Variants in CHN2 observed in about 807,000 individuals in gnomAD.
CHN2 encodes the protein beta-chimaerin.
CHN2 carries 35 observed loss-of-function variants against 56.3 expected under a neutral mutation model. The ratio of observed to expected loss-of-function variants is 0.62; its 90% CI spans 0.47 to 0.82. The LOEUF (loss-of-function observed/expected upper bound fraction) is 0.82, where lower values mean the gene tolerates loss of function less well. CHN2 is among the 40% of genes least tolerant of loss of function. CHN2 has a pLI of 0.00. For missense variants in CHN2, 491 were observed against 580.5 expected (o/e 0.85, Z 1.58); for synonymous variants, 210 against 212.8 (o/e 0.99, Z 0.12).
At chr7:29,360,515 C>T (rs994662080) in intron 2 of CHN2, among the ~76,000 whole-genome samples, 17 of 152,162 alleles carry the variant, frequency 1.1e-4, no homozygotes, top group African/African-American at 2.9e-4. Context: ...TGCAAAACCC[C>T]GTCTCAAAAA....
chr7:29,493,748 T>C (rs1263086381), intron 7 of CHN2, among the ~76,000 whole-genome samples: 1 of 152,158 alleles, frequency 6.6e-6, no homozygotes, highest in Non-Finnish European at 1.5e-5. Context: ...ACTTTCCATC[T>C]CCACTGCCAG....
chr7:29,396,832 G>A (rs1801794529), intron 4 of CHN2: 1 of 152,418 alleles, frequency 6.6e-6, no homozygotes, highest in East Asian at 1.9e-4. Context: ...CTGCACAGGA[G>A]GCTCCTCCGC....
intron 1 of CHN2, among the ~76,000 whole-genome samples, chr7:29,322,710 CT>C (rs1795458090): frequency 1.3e-5 from 2 of 152,312 alleles, no homozygotes; most frequent in South Asian, 2.1e-4. Flanking sequence ...GAATTATTTA[CT>C]GCAAATATAG....
chr7:29,409,738 A>G (rs1803017985), intron 6 of CHN2, among the ~76,000 whole-genome samples: 1 of 152,246 alleles, frequency 6.6e-6, no homozygotes, highest in Non-Finnish European at 1.5e-5. Flanking sequence ...CAATTACTGT[A>G]ATAAAATCAG....
intron 2 of CHN2, among the ~76,000 whole-genome samples, chr7:29,155,858 C>G (rs1794294466): frequency 6.6e-6 from 1 of 152,096 alleles, no homozygotes. Context: ...TCTAAATGCC[C>G]TCTGTCCTTC....
At position 29,268,767 on chromosome 7, in the gene CHN2, C is replaced by T. The variant is rs1467903957; in HGVS notation, c.49+73777C>T. Among the ~76,000 whole-genome samples, 6 of 152,172 alleles carry T rather than the reference C, an allele frequency of 3.9e-5. No homozygotes were observed. The East Asian group carries it at 1.2e-3, about 29-fold the overall frequency. ...AACACCCATCCTCAGCAGCCTCACC[C>T]CCTAAAGAAGGTGCACTGTTCCAGG... On this transcript the variant is annotated intron_variant, in intron 1 of 12. Coordinates refer to ENST00000222792, the MANE Select transcript of CHN2 (RefSeq NM_004067.4).
intron 6 of CHN2, among the ~76,000 whole-genome samples, chr7:29,435,910 C>CT (rs1783187715): frequency 2.0e-5 from 2 of 99,916 alleles, no homozygotes; most frequent in South Asian, 3.4e-4. Flanking sequence ...TTTTTTTTTT[C>CT]TTTTTTCATG....
intron 6 of CHN2, among the ~76,000 whole-genome samples, chr7:29,469,338 A>G (rs1393372588): frequency 1.3e-5 from 2 of 152,204 alleles, no homozygotes; most frequent in East Asian, 1.9e-4. Context: ...ACAGTCATCA[A>G]CACAGCAGGC....
intron 1 of CHN2, among the ~76,000 whole-genome samples, chr7:29,305,212 AC>A (rs1258973830): frequency 6.6e-6 from 1 of 152,086 alleles, no homozygotes; most frequent in Non-Finnish European, 1.5e-5. Flanking sequence ...TTTTCTGAGG[AC>A]CCCATGAATC....
chr7:29,313,280 C>T (rs939794209), intron 1 of CHN2, among the ~76,000 whole-genome samples: 1 of 152,168 alleles, frequency 6.6e-6, no homozygotes, highest in African/African-American at 2.4e-5. Context: ...TGCCTGCATT[C>T]AGGTTTTTCC....
At chr7:29,496,217 G>T (rs959538466) in intron 8 of CHN2, among the ~76,000 whole-genome samples, 181 bp downstream of exon 8, 9 of 142,044 alleles carry the variant, frequency 6.3e-5, no homozygotes, top group African/African-American at 2.4e-4. Context: ...GAATGAAAAA[G>T]AATATATCAT....
chr7:29,464,125 C>G (rs1785381038), intron 6 of CHN2, among the ~76,000 whole-genome samples: 1 of 152,204 alleles, frequency 6.6e-6, no homozygotes, highest in African/African-American at 2.4e-5. Context: ...TTATTTAAAG[C>G]ATAGTTACGA....
upstream of CHN2, chr7:29,192,623 CA>C (rs1374427381): frequency 1.3e-5 from 2 of 152,248 alleles, no homozygotes; most frequent in Non-Finnish European, 2.9e-5. Flanking sequence ...AACTTACAAT[CA>C]CTTTGGAACA....
chr7:29,510,865 TGA>T (rs1193139095), intron 12 of CHN2, among the ~76,000 whole-genome samples: 1 of 152,122 alleles, frequency 6.6e-6, no homozygotes, highest in African/African-American at 2.4e-5. Context: ...GCTGTCTGCG[TGA>T]GTGTGTGGGA....
chr7:29,277,601 G>A (rs1791339269), intron 1 of CHN2, among the ~76,000 whole-genome samples: 2 of 152,230 alleles, frequency 1.3e-5, no homozygotes, highest in Non-Finnish European at 2.9e-5. Context: ...ATGGGGAGAA[G>A]TGGGCAGAGT....
chr7:29,415,450 G>A (rs1198915028), intron 6 of CHN2, among the ~76,000 whole-genome samples: 1 of 152,204 alleles, frequency 6.6e-6, no homozygotes, highest in Non-Finnish European at 1.5e-5. Context: ...GCTATTTTGG[G>A]TGGAGTTTCT....
At chr7:29,316,870 G>C (rs1794991549) in intron 1 of CHN2, among the ~76,000 whole-genome samples, 1 of 152,020 alleles carries the variant, frequency 6.6e-6, no homozygotes, top group Admixed American at 6.6e-5. Flanking sequence ...GTGGTCCCTG[G>C]AACTCTGTAT....
chr7:29,492,855 T>C (rs973720945), intron 7 of CHN2, among the ~76,000 whole-genome samples: 12 of 152,248 alleles, frequency 7.9e-5, no homozygotes, highest in East Asian at 3.8e-4. Flanking sequence ...GAACCTCTTA[T>C]CAGCATTCAA....
At chr7:29,415,177 C>G (rs1199630308) in intron 6 of CHN2, among the ~76,000 whole-genome samples, 1 of 152,186 alleles carries the variant, frequency 6.6e-6, no homozygotes, top group Non-Finnish European at 1.5e-5. Flanking sequence ...TAAGGCAGCT[C>G]CTGGGTCTTT....
Sources: allele counts gnomAD v4.1 joint callset (sites outside exome capture counted in the v4.1 genomes callset), GRCh38; gene constraint gnomAD v4.1.1; transcripts MANE v1.5; gene names NCBI Gene and HGNC (gene_info 2026-07-23, HGNC 2026-07-21).